The following TRIM35 variants were observed in gnomAD, a reference collection of about 807,000 sequenced individuals.
TRIM35 encodes the protein tripartite motif containing 35, also known as E3 ubiquitin-protein ligase TRIM35.
Under a neutral mutation model 49.1 loss-of-function variants are expected in TRIM35, and 37 were observed. The ratio of observed to expected loss-of-function variants is 0.75; its 90% CI spans 0.58 to 0.99. The LOEUF (loss-of-function observed/expected upper bound fraction) is 0.99, where lower values mean the gene tolerates loss of function less well. Among genes scored for constraint, TRIM35 ranks in the 50% least tolerant of loss-of-function variants. The pLI is 0.00. For missense variants in TRIM35, 648 were observed against 702.7 expected, an observed-to-expected ratio of 0.92 and a Z score of 0.88; for synonymous variants, 302 against 289.3, an observed-to-expected ratio of 1.04 and a Z score of -0.45.
intron 1 of TRIM35, among the ~76,000 whole-genome samples, chr8:27,303,907 T>C (rs113275711): frequency 0.011 from 1,722 of 152,324 alleles, 22 homozygotes; most frequent in Middle Eastern, 0.017. Flanking sequence ...TTGGCCAGGC[T>C]GGTCTTGAAC....
intron 1 of TRIM35, among the ~76,000 whole-genome samples, chr8:27,304,051 T>A (rs1224488538): frequency 6.6e-6 from 1 of 152,220 alleles, no homozygotes; most frequent in Non-Finnish European, 1.5e-5. Context: ...TACTAAAGGA[T>A]CCAGAATGTG....
rs146095513 is a variant in TRIM35, at chr8:27,288,098, C to A, written c.934G>T (p.Ala312Ser). 220 of 1,609,520 alleles carry A rather than the reference C, an allele frequency of 1.4e-4. No homozygotes were observed. The highest frequency in any genetic ancestry group is 1.8e-4 in the Non-Finnish European group (207 of 1,179,886). ...VPFSFDPNTA[A>S]GWLSVSDDLT... Reference sequence around the variant, plus strand: ...TCGTCAGACACGGAGAGCCAGCCAGCTGCGGTGTTGGGGTCAAAGCTGAAG... The same window carrying A: ...TCGTCAGACACGGAGAGCCAGCCAGATGCGGTGTTGGGGTCAAAGCTGAAG... The change falls in exon 6 of 6, where the codon GCT becomes TCT. Residue 312 changes from alanine to serine, a missense_variant. Transcript: ENST00000305364.
Position 27,285,132 on chromosome 8 carries a change from C to T in TRIM35, c.*2418G>A, listed in dbSNP as rs1020178423. The T allele has an allele frequency of 6.6e-6, 1 of 152,144 alleles. No homozygotes were observed. Among genetic ancestry groups the T allele is most frequent in the African/African-American group, 2.4e-5 (1 of 41,432 alleles). 9.4% of individuals were successfully genotyped at this position (152,144 alleles called of 1,614,324 possible). Reference sequence around the variant, plus strand: ...TGAAAAGATGCTCAATATCATTCGCCATCAGGGAAATGCAAACCAAAATCA... The same window carrying T: ...TGAAAAGATGCTCAATATCATTCGCTATCAGGGAAATGCAAACCAAAATCA... On this transcript the variant is annotated 3_prime_UTR_variant, in exon 6 of 6. Transcript: ENST00000305364.
At chr8:27,295,881 T>A (rs1214491456) in intron 2 of TRIM35, among the ~76,000 whole-genome samples, 1 of 152,276 alleles carries the variant, frequency 6.6e-6, no homozygotes, top group Non-Finnish European at 1.5e-5. Flanking sequence ...CTAGGAAATA[T>A]ATTTGCAACA....
intron 1 of TRIM35, among the ~76,000 whole-genome samples, chr8:27,308,587 C>T (rs889892902): frequency 5.3e-5 from 8 of 152,192 alleles, no homozygotes; most frequent in African/African-American, 1.7e-4. Flanking sequence ...CACAGAACTA[C>T]ATCTTGTCTA....
chr8:27,290,609 G>A (rs1010306334), intron 3 of TRIM35, among the ~76,000 whole-genome samples: 1 of 152,128 alleles, frequency 6.6e-6, no homozygotes, highest in African/African-American at 2.4e-5. Flanking sequence ...CCAGAACACT[G>A]AGCTGAATAA....
In TRIM35 at chr8:27,310,977, C is replaced by A; in HGVS notation, c.259G>T (p.Ala87Ser). 6.2e-7 allele frequency: 1 copy of A among 1,611,932 alleles called. No individual in the cohort carries two copies. Among genetic ancestry groups the A allele is most frequent in the East Asian group, 2.2e-5 (1 of 44,816 alleles). The part of the protein sequence containing the change: ...NLVEKLLREE[A>S]EGARWTSYRF... Reference sequence around the variant, plus strand: ...TAGCTGGTCCAGCGCGCGCCCTCGGCCTCCTCGCGCAGCAGCTTCTCCACC... The same window carrying A: ...TAGCTGGTCCAGCGCGCGCCCTCGGACTCCTCGCGCAGCAGCTTCTCCACC... The change falls in exon 1 of 6, where the codon GCC becomes TCC. Residue 87 changes from alanine to serine, a missense_variant. By Grantham distance (99) the Ala-to-Ser change is moderately conservative. Coordinates refer to ENST00000305364, the MANE Select transcript of TRIM35 (RefSeq NM_171982.5).
chr8:27,297,647 A>G (rs1802596897), intron 2 of TRIM35, among the ~76,000 whole-genome samples: 1 of 152,258 alleles, frequency 6.6e-6, no homozygotes, highest in South Asian at 2.1e-4. Flanking sequence ...ATGAAGTGTC[A>G]TTAAGAAAAT....
chr8:27,309,091 T>C (rs1262000864), intron 1 of TRIM35, among the ~76,000 whole-genome samples: 2 of 152,240 alleles, frequency 1.3e-5, no homozygotes, highest in Non-Finnish European at 2.9e-5. Context: ...CCCTGGGACC[T>C]TGCAGTACCA....
intron 1 of TRIM35, 79 bp from the exon 2 acceptor site, chr8:27,298,638 A>T: frequency 1.8e-6 from 2 of 1,132,612 alleles, no homozygotes; most frequent in Non-Finnish European, 2.7e-6. Flanking sequence ...CATCACATTT[A>T]CAACTGGGAC....
chr8:27,306,731 G>A (rs552433562), intron 1 of TRIM35, among the ~76,000 whole-genome samples: 20 of 152,294 alleles, frequency 1.3e-4, no homozygotes, highest in African/African-American at 4.3e-4. Context: ...AGAATGTGCC[G>A]GACCCAAATG....
chr8:27,294,638 T>C (rs1253863729), intron 2 of TRIM35, among the ~76,000 whole-genome samples: 2 of 152,152 alleles, frequency 1.3e-5, no homozygotes, highest in Non-Finnish European at 2.9e-5. Flanking sequence ...ACAAGGGAAG[T>C]CCTGAATCAT....
At chr8:27,304,688 A>G (rs1450723035) in intron 1 of TRIM35, 2 of 378,894 alleles carry the variant, frequency 5.3e-6, no homozygotes, top group Non-Finnish European at 1.0e-5. Context: ...GTCCCTGCAC[A>G]AAGTAGATGT....
At chr8:27,310,717 G>A (rs1350312898) in intron 1 of TRIM35, 84 bp downstream of exon 1, 2 of 1,429,540 alleles carry the variant, frequency 1.4e-6, no homozygotes, top group African/African-American at 1.4e-5. Context: ...GGCTCTGGCA[G>A]GCAGGAGGGG....
intron 2 of TRIM35, among the ~76,000 whole-genome samples, chr8:27,295,971 G>GA (rs1429629772): frequency 6.6e-6 from 1 of 151,832 alleles, no homozygotes; most frequent in Non-Finnish European, 1.5e-5. Flanking sequence ...TATTCCAAGG[G>GA]AAAAAAAGAA....
At position 27,293,461 on chromosome 8, in the gene TRIM35, T is replaced by C. The variant is rs114213350; in HGVS notation, c.762+619A>G. Among the ~76,000 whole-genome samples the C allele has an allele frequency of 5.5e-3, 837 of 152,196 alleles. 12 individuals are homozygous for C. The highest frequency in any genetic ancestry group is 0.019 in the African/African-American group (785 of 41,528). On this transcript the variant is annotated intron_variant, in intron 3 of 5. Coordinates refer to ENST00000305364, the MANE Select transcript of TRIM35 (RefSeq NM_171982.5). ...ATATTTAAATAAAAAATTTAAATAA[T>C]TGAATGATTTTAAAAGAATTCATCT...
At position 27,287,896 on chromosome 8, in the gene TRIM35, G is replaced by A. The variant is rs748375413; in HGVS notation, c.1136C>T (p.Ser379Leu). 17 of 1,612,990 alleles carry A rather than the reference G, an allele frequency of 1.1e-5. No homozygotes were observed. Among genetic ancestry groups the A allele is most frequent in the East Asian group, 4.5e-5 (2 of 44,868 alleles). The change falls in exon 6 of 6, where the codon TCG becomes TTG. Residue 379 changes from serine to leucine, a missense_variant. Ser to Leu is a moderately radical substitution (Grantham distance 145). Transcript: ENST00000305364. The surrounding 1 kb of genome is among the most constrained non-coding windows in gnomAD (Gnocchi z 6.0). ...GCTGTGTGAGTGGCCCTCAGCGCCC[G>A]AGTCCTGGCGCACACGTACCACGCC... ...RVGVVRVRQD[S>L]GAEGHSHSCY...
At chr8:27,292,676 G>C (rs187019564) in intron 3 of TRIM35, among the ~76,000 whole-genome samples, 2 of 152,150 alleles carry the variant, frequency 1.3e-5, no homozygotes, top group African/African-American at 2.4e-5. Context: ...ACTCAATTTC[G>C]GTAGCAGTTT....
chr8:27,310,397 G>C (rs1432158155), intron 1 of TRIM35, among the ~76,000 whole-genome samples: 1 of 152,232 alleles, frequency 6.6e-6, no homozygotes, highest in Non-Finnish European at 1.5e-5. Flanking sequence ...CCCCTGGCCA[G>C]GTCTGTGGCT....
Sources: allele counts gnomAD v4.1 joint callset (sites outside exome capture counted in the v4.1 genomes callset), GRCh38; gene constraint gnomAD v4.1.1; non-coding constraint Gnocchi (gnomAD v3.1); transcripts MANE v1.5; gene names NCBI Gene and HGNC (gene_info 2026-07-23, HGNC 2026-07-21).